Variants in ARID1B observed in about 807,000 individuals in gnomAD.
The protein encoded by ARID1B is AT-rich interaction domain 1B, also known as AT-rich interactive domain-containing protein 1B.
Under a neutral mutation model 212.3 loss-of-function variants are expected in ARID1B, and 30 were observed. The observed-to-expected ratio is 0.14, with a 90% confidence interval of 0.11 to 0.19. The LOEUF (loss-of-function observed/expected upper bound fraction) is 0.19, where lower values mean the gene tolerates loss of function less well. ARID1B is among the 10% of genes least tolerant of loss of function. The pLI, the probability that ARID1B is intolerant of heterozygous loss-of-function variation, is 1.00. For missense variants in ARID1B, 2,891 were observed against 3,204.0 expected (o/e 0.90, Z 2.36); for synonymous variants, 1,402 against 1,301.7 (o/e 1.08, Z -1.66).
intron 2 of ARID1B, among the ~76,000 whole-genome samples, chr6:156,862,797 G>A (rs1785425678): frequency 6.6e-6 from 1 of 152,200 alleles, no homozygotes; most frequent in South Asian, 2.1e-4. Flanking sequence ...TTGGGGGCTG[G>A]GCCCTGGCAG....
intron 6 of ARID1B, among the ~76,000 whole-genome samples, chr6:157,125,850 A>G (rs1788100992): frequency 6.6e-6 from 1 of 152,210 alleles, no homozygotes; most frequent in South Asian, 2.1e-4. Flanking sequence ...TATTTAGTTG[A>G]CTAAGATGTT....
intron 2 of ARID1B, among the ~76,000 whole-genome samples, chr6:156,899,366 C>G (rs1369433351): frequency 6.6e-6 from 1 of 152,256 alleles, no homozygotes; most frequent in African/African-American, 2.4e-5. Flanking sequence ...TTGGTTGGCA[C>G]TGGGCCCCAG....
intron 4 of ARID1B, among the ~76,000 whole-genome samples, chr6:156,969,675 CTG>C (rs1470254459): frequency 3.3e-5 from 5 of 152,218 alleles, no homozygotes; most frequent in African/African-American, 4.8e-5. Flanking sequence ...TAGCTTATAA[CTG>C]TTAATCTAGA....
At chr6:157,131,842 C>G (rs9480446) in intron 6 of ARID1B, among the ~76,000 whole-genome samples, 9,024 of 152,164 alleles carry the variant, frequency 0.059, 407 homozygotes, top group South Asian at 0.23. Flanking sequence ...AGGCACCTGC[C>G]ACCGTGCCCG....
rs970623142 is a variant in ARID1B, at chr6:157,134,480, C to A, written c.2761+1273C>A. ...GTATAGAGCCTCTCCTGCCTTTGTT[C>A]TAGGCTTGTCCTGAGAGTGAGACTT... On this transcript the variant is annotated intron_variant, in intron 7 of 19. Coordinates refer to ENST00000636930, the MANE Select transcript of ARID1B (RefSeq NM_001374828.1). Among the ~76,000 whole-genome samples, 9 of 152,210 alleles carry A rather than the reference C, an allele frequency of 5.9e-5. 1 individual carries two copies. The highest frequency in any genetic ancestry group is 5.9e-4 in the Admixed American group (9 of 15,284).
intron 4 of ARID1B, among the ~76,000 whole-genome samples, chr6:156,973,802 G>A (rs188612941): frequency 2.0e-5 from 3 of 152,134 alleles, no homozygotes; most frequent in African/African-American, 7.2e-5. Flanking sequence ...AATATTTACC[G>A]AATTTATTTA....
At chr6:157,199,916 C>T (rs1793984221) in intron 17 of ARID1B, among the ~76,000 whole-genome samples, 1 of 152,186 alleles carries the variant, frequency 6.6e-6, no homozygotes, top group South Asian at 2.1e-4. Context: ...ATCCTCCTGC[C>T]TCAGCCTCCC....
Position 156,907,395 on chromosome 6 carries a change from A to T in ARID1B, c.2136+5870A>T, listed in dbSNP as rs530935354. On this transcript the variant is annotated intron_variant, in intron 3 of 19. Coordinates refer to ENST00000636930, the MANE Select transcript of ARID1B (RefSeq NM_001374828.1). ...GTATTGAGATGATCACTTTGTTTTT[A>T]CTTATAATCTGTTTTTGAGGTAAAT... 2.0e-5 allele frequency among the ~76,000 whole-genome samples: 3 copies of T among 152,186 alleles called. No individual in the cohort carries two copies. The South Asian group carries it at 6.2e-4, about 32-fold the overall frequency.
At chr6:156,921,487 AC>A (rs1790793043) in intron 3 of ARID1B, among the ~76,000 whole-genome samples, 1 of 134,074 alleles carries the variant, frequency 7.5e-6, no homozygotes, top group Non-Finnish European at 1.6e-5. Flanking sequence ...ACACACACAC[AC>A]ACACAAAATG....
intron 4 of ARID1B, among the ~76,000 whole-genome samples, chr6:156,963,680 C>G (rs1794551666): frequency 6.6e-6 from 1 of 152,110 alleles, no homozygotes; most frequent in Admixed American, 6.5e-5. Context: ...TACATAAAAT[C>G]AAAACCATGG....
chr6:157,204,108 G>A, intron 19 of ARID1B, 112 bp downstream of exon 19: 1 of 1,336,054 alleles, frequency 7.5e-7, no homozygotes, highest in Non-Finnish European at 1.1e-6. Flanking sequence ...GTCCAACACT[G>A]TTAATCACTG....
intron 6 of ARID1B, among the ~76,000 whole-genome samples, chr6:157,122,727 A>G (rs1038741490): frequency 1.3e-5 from 2 of 152,100 alleles, no homozygotes; most frequent in Non-Finnish European, 2.9e-5. Flanking sequence ...GTCCCAGGCT[A>G]GAGTACAGTG....
chr6:156,895,625 C>G (rs1306632728), intron 2 of ARID1B, among the ~76,000 whole-genome samples: 1 of 152,038 alleles, frequency 6.6e-6, no homozygotes, highest in African/African-American at 2.4e-5. Flanking sequence ...GAGGCAAAAT[C>G]TTTATGGTAA....
At position 157,189,530 on chromosome 6, in the gene ARID1B, G is replaced by A. The variant is rs914463428; in HGVS notation, c.3920-112G>A. ...TGGCTATTGTTACTGTTTCTAATAA[G>A]ATGGTGTCTTATTTACATTTATGTC... On this transcript the variant is annotated intron_variant, in intron 13 of 19. Transcript: ENST00000636930. 19 of 1,252,372 alleles carry A rather than the reference G, an allele frequency of 1.5e-5. No individual in the cohort carries two copies. The African/African-American group carries it at 2.3e-4, about 15-fold the overall frequency. The allele number at this position is 1,252,372 out of a possible 1,614,324, so 77.6% of individuals were successfully genotyped here. A position where few individuals can be genotyped will look rare whatever the true frequency, so the allele number is the denominator to read the frequency against.
In ARID1B at chr6:156,779,026, G is replaced by T; in HGVS notation, c.1346G>T (p.Gly449Val). 8.0e-7 allele frequency: 1 copy of T among 1,251,242 alleles called. No homozygotes were observed. The highest frequency in any genetic ancestry group is 9.9e-7 in the Non-Finnish European group (1 of 1,006,508). The allele number at this position is 1,251,242 out of a possible 1,614,324, so 77.5% of individuals were successfully genotyped here. The change falls in exon 1 of 20, where the codon GGG (glycine) becomes GTG (valine). Residue 449 changes from glycine (G) to valine (V), a missense_variant. Gly to Val is a moderately radical substitution (Grantham distance 109, BLOSUM62 -3). This residue lies in a region of ARID1B where 1,643 missense variants were observed against 1,544.0 expected (regional missense o/e 1.06). Coordinates refer to ENST00000636930, the MANE Select transcript of ARID1B (RefSeq NM_001374828.1). ...TATGGGGGCTCGTCCGCGGGGTACG[G>T]GGTGCTGAGCTCCCCCCGGCAGCAG... ...GGYGGSSAGY[G>V]VLSSPRQQGG...
At chr6:157,122,924 C>A (rs958603114) in intron 6 of ARID1B, among the ~76,000 whole-genome samples, 42 of 152,096 alleles carry the variant, frequency 2.8e-4, no homozygotes, top group Non-Finnish European at 6.0e-4. Flanking sequence ...TCAGGTGATC[C>A]ACCCGCCTCA....
chr6:156,991,554 T>C (rs1778277861), intron 4 of ARID1B, among the ~76,000 whole-genome samples: 1 of 152,182 alleles, frequency 6.6e-6, no homozygotes, highest in African/African-American at 2.4e-5. Flanking sequence ...AAGCTAGGAT[T>C]GTCTATGTTA....
At chr6:157,021,129 TAG>T (rs1583161035) in intron 4 of ARID1B, among the ~76,000 whole-genome samples, 1 of 152,240 alleles carries the variant, frequency 6.6e-6, no homozygotes, top group African/African-American at 2.4e-5. Flanking sequence ...AGGGGGATTT[TAG>T]AGAGAGGGTG....
chr6:157,053,636 T>C (rs542965204), intron 4 of ARID1B, among the ~76,000 whole-genome samples: 1 of 152,368 alleles, frequency 6.6e-6, no homozygotes, highest in East Asian at 1.9e-4. Context: ...ATTCCCTCTT[T>C]AAGGACCTTA....
Sources: gnomAD v4.1 joint callset for allele counts (sites outside exome capture counted in the v4.1 genomes callset) on GRCh38, gnomAD v4.1.1 for gene constraint, gnomAD v4.1.1 regional missense constraint, MANE v1.5 for transcripts, NCBI Gene and HGNC (gene_info 2026-07-23, HGNC 2026-07-21) for gene names.